The following ZNF875 variants were observed in gnomAD, a reference collection of about 807,000 sequenced individuals.
ZNF875 encodes zinc finger protein 875.
Under a neutral mutation model 11.2 loss-of-function variants are expected in ZNF875, and 14 were observed. The observed-to-expected ratio is 1.26, with a 90% confidence interval of 0.83 to 1.96. ZNF875 has a LOEUF of 1.96. ZNF875 is among the 30% of genes most tolerant of loss of function. ZNF875 has a pLI of 0.00. For synonymous variants in ZNF875, 301 were observed against 281.1 expected (o/e 1.07, Z -0.71); for missense variants, 752 against 760.4 (o/e 0.99, Z 0.13).
intron 4 of ZNF875, among the ~76,000 whole-genome samples, chr19:37,359,266 A>C (rs191067085): frequency 2.0e-5 from 3 of 152,176 alleles, no homozygotes; most frequent in African/African-American, 4.8e-5. Context: ...TCTATTCAAC[A>C]TTTCTGTCAC....
At chr19:37,361,567 A>G (rs2039928349) in intron 4 of ZNF875, among the ~76,000 whole-genome samples, 1 of 152,080 alleles carries the variant, frequency 6.6e-6, no homozygotes, top group African/African-American at 2.4e-5. Flanking sequence ...CAGGCCATAC[A>G]GAAACAGGTT....
chr19:37,349,695 C>T (rs1308431198), intron 4 of ZNF875, among the ~76,000 whole-genome samples: 1 of 152,038 alleles, frequency 6.6e-6, no homozygotes, highest in Non-Finnish European at 1.5e-5. Flanking sequence ...TGCTCTGTCA[C>T]CCAGCCAGGA....
upstream of ZNF875, among the ~76,000 whole-genome samples, chr19:37,331,720 G>T (rs1319263842): frequency 6.8e-6 from 1 of 147,792 alleles, no homozygotes; most frequent in African/African-American, 2.4e-5. Flanking sequence ...GGAAAGCCAG[G>T]TATTGTCCAA....
chr19:37,358,133 CT>C (rs35011906), intron 4 of ZNF875: 10,921 of 85,276 alleles, frequency 0.13, 71 homozygotes, highest in African/African-American at 0.19. Context: ...TTAAGATGAT[CT>C]TTTTTTTTTT....
Position 37,362,622 on chromosome 19 carries a change from CTGAG to C in ZNF875, c.773_776del (p.Glu258GlyfsTer39). The stretch of plus-strand genomic sequence containing the variant: ...ACTGGGGAGACACCTTACATGTACA[CTGAG>C]TGGGGAGACAGCTTTGGCAGTATGT... On this transcript the variant is annotated frameshift_variant, in exon 5 of 5. Transcript: ENST00000392153. LOFTEE classifies it low-confidence loss of function (END_TRUNC). 6.2e-7 allele frequency: 1 copy of C among 1,613,624 alleles called. No individual in the cohort carries two copies. Among genetic ancestry groups the C allele is most frequent in the Non-Finnish European group, 8.5e-7 (1 of 1,179,794 alleles).
intron 4 of ZNF875, among the ~76,000 whole-genome samples, chr19:37,325,270 C>G (rs1407319899): frequency 6.6e-6 from 1 of 152,140 alleles, no homozygotes; most frequent in Non-Finnish European, 1.5e-5. Context: ...TGTCAGCACC[C>G]GAAGGTACCC....
At position 37,363,052 on chromosome 19, in the gene ZNF875, G is replaced by A; in HGVS notation, c.1200G>A (p.Glu400=). 2 of 1,614,008 alleles carry A rather than the reference G, an allele frequency of 1.2e-6. No homozygotes were observed. Among genetic ancestry groups the A allele is most frequent in the Non-Finnish European group, 1.7e-6 (2 of 1,180,008 alleles). The stretch of plus-strand genomic sequence containing the variant: ...AGCCTTACATTTGCAGGGAGTGTGA[G>A]CAAGGCTTTAGCCAGAAGTCACACC... ...GEKPYICREC[E]QGFSQKSHLI... The change falls in exon 5 of 5, where the codon GAG becomes GAA. Residue 400 remains glutamate, a synonymous_variant. Transcript: ENST00000392153.
chr19:37,320,611 C>A (rs1303298203), intron 1 of ZNF875, among the ~76,000 whole-genome samples: 7 of 152,212 alleles, frequency 4.6e-5, no homozygotes, highest in Non-Finnish European at 1.0e-4. Context: ...CCACTTGTCT[C>A]TGTTCCGTGA....
chr19:37,363,199 T>G lies in ZNF875; in HGVS notation c.1347T>G (p.Pro449=). The change falls in exon 5 of 5, where the codon CCT becomes CCG. Residue 449 remains proline, a synonymous_variant. Coordinates refer to ENST00000392153, the MANE Select transcript of ZNF875 (RefSeq NM_001353803.2). ...THQRTHSGVK[P]YVCLECGQCF... ...AGAGGACACACTCAGGGGTTAAACC[T>G]TATGTCTGCCTGGAGTGCGGGCAGT... 6.2e-7 allele frequency: 1 copy of G among 1,613,272 alleles called. No individual in the cohort carries two copies. The highest frequency in any genetic ancestry group is 2.2e-5 in the East Asian group (1 of 44,822).
rs111236754 is a variant in ZNF875, at chr19:37,353,353, A to G, written c.256+5481A>G. Among the ~76,000 whole-genome samples, 992 of 152,280 alleles carry G rather than the reference A, an allele frequency of 6.5e-3. 3 individuals are homozygous for G. The highest frequency in any genetic ancestry group is 0.011 in the Non-Finnish European group (720 of 68,020). ...GTATGTTTACATTCCCCTCATCTTC[A>G]GTGCTGTTGTCATATACATTATTTC... is the stretch of plus-strand genomic sequence containing the variant. On this transcript the variant is annotated intron_variant, in intron 4 of 4. Coordinates refer to ENST00000392153, the MANE Select transcript of ZNF875 (RefSeq NM_001353803.2).
At chr19:37,318,450 C>T (rs150669433) in intron 1 of ZNF875, among the ~76,000 whole-genome samples, 1,894 of 152,042 alleles carry the variant, frequency 0.012, 38 homozygotes, top group East Asian at 0.055. Flanking sequence ...TGTTGCTAAT[C>T]AAACCAATTT....
upstream of ZNF875, among the ~76,000 whole-genome samples, chr19:37,331,821 C>T (rs1297218493): frequency 3.1e-5 from 4 of 129,672 alleles, 1 homozygote; most frequent in Non-Finnish European, 7.2e-5. Context: ...GCCCGACACC[C>T]GTAAAGGGTC....
Position 37,344,848 on chromosome 19 carries a change from G to A in ZNF875, c.34-2342G>A, listed in dbSNP as rs528780940. 2.0e-5 allele frequency: 18 copies of A among 907,180 alleles called. No homozygotes were observed. The African/African-American group carries it at 2.1e-4, about 11-fold the overall frequency. 56.2% of individuals were successfully genotyped at this position (907,180 alleles called of 1,614,324 possible). On this transcript the variant is annotated intron_variant, in intron 2 of 4. Coordinates refer to ENST00000392153, the MANE Select transcript of ZNF875 (RefSeq NM_001353803.2). ...CCTTCGTGGGAGATTTTCAAGGGGT[G>A]TATGTGTGTATGTTCTGAGAAGGGG...
At chr19:37,350,334 G>GC (rs2037638635) in intron 4 of ZNF875, among the ~76,000 whole-genome samples, 1 of 150,658 alleles carries the variant, frequency 6.6e-6, no homozygotes, top group Admixed American at 6.6e-5. Context: ...CTCATGATCC[G>GC]CCCACCTCAG....
chr19:37,329,367 A>G (rs1005664625), intron 4 of ZNF875, among the ~76,000 whole-genome samples: 1 of 152,144 alleles, frequency 6.6e-6, no homozygotes, highest in African/African-American at 2.4e-5. Context: ...CTACTGCTGC[A>G]GGCTATGGAT....
At chr19:37,346,857 C>A in intron 2 of ZNF875, 4 of 266,068 alleles carry the variant, frequency 1.5e-5, no homozygotes, top group East Asian at 1.2e-4. Context: ...GCCTTTTGAC[C>A]TCTCATTCTT....
upstream of ZNF875, among the ~76,000 whole-genome samples, chr19:37,317,650 C>G (rs1349335944): frequency 2.0e-5 from 3 of 152,208 alleles, no homozygotes; most frequent in Non-Finnish European, 4.4e-5. Flanking sequence ...AGCGGGTAGA[C>G]GTTCCAGCGC....
At chr19:37,358,127 G>C in intron 4 of ZNF875, 2 of 194,446 alleles carry the variant, frequency 1.0e-5, no homozygotes, top group East Asian at 1.0e-4. Context: ...CATCTATTAA[G>C]ATGATCTTTT....
At chr19:37,331,252 A>C (rs1340058295), upstream of ZNF875, among the ~76,000 whole-genome samples, 1 of 68,218 alleles carries the variant, frequency 1.5e-5, no homozygotes, top group African/African-American at 5.9e-5. Context: ...TTTTTTTTTG[A>C]GAGTCTCGCT....
Sources: allele counts gnomAD v4.1 joint callset (sites outside exome capture counted in the v4.1 genomes callset), GRCh38; gene constraint gnomAD v4.1.1; transcripts MANE v1.5; gene names NCBI Gene and HGNC (gene_info 2026-07-23, HGNC 2026-07-21).